Variants in NFYC observed in about 807,000 individuals in gnomAD.
NFYC encodes the protein CAAT box DNA-binding protein subunit C.
In NFYC, 25 loss-of-function variants were observed where a neutral mutation model predicts 53.1. The ratio of observed to expected loss-of-function variants is 0.47; its 90% CI spans 0.34 to 0.66. The LOEUF (loss-of-function observed/expected upper bound fraction) is 0.66. Among genes scored for constraint, NFYC ranks in the 30% least tolerant of loss-of-function variants. The pLI is 0.01. For missense variants in NFYC, 260 were observed against 422.7 expected (o/e 0.62, Z 3.38); for synonymous variants, 145 against 152.6 (o/e 0.95, Z 0.37).
intron 1 of NFYC, among the ~76,000 whole-genome samples, chr1:40,699,575 A>G (rs1234313519): frequency 6.6e-6 from 1 of 152,228 alleles, no homozygotes; most frequent in Non-Finnish European, 1.5e-5. Context: ...GAAGCCAAGA[A>G]TGCTTGGTTG....
chr1:40,771,081 G>A lies in NFYC; in HGVS notation c.*253G>A, dbSNP rs1344637559. ...TCAATATGTTGAGTGTGTGTCCAAT[G>A]CTATGAAATTAAAATATTAAATAAC... is the stretch of plus-strand genomic sequence containing the variant. On this transcript the variant is annotated 3_prime_UTR_variant, in exon 10 of 10. Transcript: ENST00000447388. 1.9e-6 allele frequency: 1 copy of A among 538,982 alleles called. No homozygotes were observed. The highest frequency in any genetic ancestry group is 3.3e-6 in the Non-Finnish European group (1 of 304,786). The allele number at this position is 538,982 out of a possible 1,614,324, so 33.4% of individuals were successfully genotyped here.
intron 1 of NFYC, among the ~76,000 whole-genome samples, chr1:40,724,163 A>G (rs2361647): frequency 0.65 from 99,317 of 152,044 alleles, 32,691 homozygotes; most frequent in African/African-American, 0.72. Flanking sequence ...TAAGGTCAGG[A>G]GTTCAAGACC....
intron 2 of NFYC, among the ~76,000 whole-genome samples, chr1:40,739,837 T>TA (rs1445519929): frequency 6.6e-6 from 1 of 152,142 alleles, no homozygotes; most frequent in East Asian, 1.9e-4. Context: ...AGTCTTAAAA[T>TA]ATGAGTAAGC....
chr1:40,715,114 A>AAATT (rs1424089383), intron 1 of NFYC, among the ~76,000 whole-genome samples: 1 of 147,268 alleles, frequency 6.8e-6, no homozygotes, highest in Non-Finnish European at 1.5e-5. Flanking sequence ...ATAAATAAAT[A>AAATT]ATAATTTGGC....
At chr1:40,695,424 T>G (rs760013610) in intron 1 of NFYC, among the ~76,000 whole-genome samples, 6 of 152,094 alleles carry the variant, frequency 3.9e-5, no homozygotes, top group Non-Finnish European at 7.4e-5. Context: ...TTTTGGGTTT[T>G]GTTTTGTTTT....
At chr1:40,766,455 T>G (rs1325489576) in intron 7 of NFYC, 141 bp from the exon 8 acceptor site, 1 of 632,898 alleles carries the variant, frequency 1.6e-6, no homozygotes, top group Non-Finnish European at 2.8e-6. Context: ...GACCTCTGTT[T>G]AAAAGGGACT....
At chr1:40,694,363 G>A (rs2148395775) in intron 1 of NFYC, among the ~76,000 whole-genome samples, 1 of 152,324 alleles carries the variant, frequency 6.6e-6, no homozygotes, top group South Asian at 2.1e-4. Context: ...TTTAAATCAG[G>A]GTTTGAGAGG....
chr1:40,737,432 G>A (rs1196282897), intron 1 of NFYC, among the ~76,000 whole-genome samples: 3 of 151,124 alleles, frequency 2.0e-5, no homozygotes, highest in Non-Finnish European at 4.4e-5. Context: ...GGGTTCAAGC[G>A]ATTCTCCTGC....
intron 6 of NFYC, among the ~76,000 whole-genome samples, chr1:40,759,949 A>G (rs917475998): frequency 7.2e-5 from 11 of 152,272 alleles, no homozygotes; most frequent in East Asian, 3.9e-4. Context: ...GAGTAGAGGT[A>G]GATTGATTGA....
At chr1:40,717,902 A>G (rs1185165718) in intron 1 of NFYC, among the ~76,000 whole-genome samples, 1 of 152,240 alleles carries the variant, frequency 6.6e-6, no homozygotes, top group Non-Finnish European at 1.5e-5. Context: ...CAGCACACAC[A>G]ATTAATTACC....
intron 2 of NFYC, among the ~76,000 whole-genome samples, chr1:40,742,196 C>T (rs1054442941): frequency 1.8e-4 from 27 of 151,920 alleles, no homozygotes; most frequent in African/African-American, 6.3e-4. Flanking sequence ...CAGACATGAG[C>T]CATCATGTCT....
At chr1:40,736,505 A>G (rs985668128) in intron 1 of NFYC, among the ~76,000 whole-genome samples, 3 of 152,172 alleles carry the variant, frequency 2.0e-5, no homozygotes, top group African/African-American at 7.2e-5. Flanking sequence ...ATTAGTTCCT[A>G]ATGGCTCACA....
intron 1 of NFYC, among the ~76,000 whole-genome samples, chr1:40,724,762 TG>T (rs1290403975): frequency 6.6e-6 from 1 of 152,246 alleles, no homozygotes; most frequent in East Asian, 1.9e-4. Context: ...ATCTGGCCCC[TG>T]TTTCAAAGAT....
At chr1:40,732,692 C>T (rs998609679) in intron 1 of NFYC, among the ~76,000 whole-genome samples, 2 of 152,150 alleles carry the variant, frequency 1.3e-5, no homozygotes, top group Non-Finnish European at 2.9e-5. Flanking sequence ...CTAATCTATC[C>T]TGGTCACTTT....
intron 1 of NFYC, among the ~76,000 whole-genome samples, chr1:40,699,272 G>A (rs1399574690): frequency 1.3e-5 from 2 of 152,164 alleles, no homozygotes; most frequent in African/African-American, 4.8e-5. Flanking sequence ...CTGAAGTACT[G>A]AAGGTTTTCA....
intron 1 of NFYC, among the ~76,000 whole-genome samples, chr1:40,729,332 C>T (rs1644660200): frequency 1.3e-5 from 2 of 152,208 alleles, no homozygotes; most frequent in Non-Finnish European, 2.9e-5. Flanking sequence ...TCTACATTAG[C>T]ACTTGCTACT....
At chr1:40,736,595 A>G (rs945102688) in intron 1 of NFYC, among the ~76,000 whole-genome samples, 2 of 152,132 alleles carry the variant, frequency 1.3e-5, no homozygotes, top group African/African-American at 4.8e-5. Context: ...TTAGGAGAGC[A>G]CTAAATTTCT....
chr1:40,767,446 G>A (rs543741041), intron 8 of NFYC, among the ~76,000 whole-genome samples: 13 of 152,222 alleles, frequency 8.5e-5, no homozygotes, highest in African/African-American at 2.4e-4. Context: ...GGGAAAATAC[G>A]AGGAATGAGC....
intron 3 of NFYC, among the ~76,000 whole-genome samples, chr1:40,747,846 T>C (rs1176422817): frequency 6.6e-6 from 1 of 151,802 alleles, no homozygotes. Flanking sequence ...GTTGGGTTTT[T>C]TTTTTTTTTT....
Sources: allele counts gnomAD v4.1 joint callset (sites outside exome capture counted in the v4.1 genomes callset), GRCh38; gene constraint gnomAD v4.1.1; transcripts MANE v1.5; gene names NCBI Gene and HGNC (gene_info 2026-07-23, HGNC 2026-07-21).